The following SPAG17 variants were observed in gnomAD, a reference collection of about 807,000 sequenced individuals.
The protein encoded by SPAG17 is sperm associated antigen 17, also known as sperm-associated antigen 17.
In SPAG17, 169 loss-of-function variants were observed where a neutral mutation model predicts 273.6. That is an observed-to-expected ratio of 0.62 (90% CI 0.55 to 0.70). The LOEUF (loss-of-function observed/expected upper bound fraction) is 0.70. SPAG17 is among the 30% of genes least tolerant of loss of function. SPAG17 has a pLI of 0.00. For synonymous variants in SPAG17, 825 were observed against 873.2 expected, an observed-to-expected ratio of 0.94 and a Z score of 0.97; for missense variants, 2,557 against 2,627.8, an observed-to-expected ratio of 0.97 and a Z score of 0.59.
chr1:118,143,718 C>T (rs1349759401), intron 3 of SPAG17, among the ~76,000 whole-genome samples: 1 of 152,124 alleles, frequency 6.6e-6, no homozygotes, highest in Non-Finnish European at 1.5e-5. Context: ...TTCTTGATTC[C>T]TTCCCCAGCA....
intron 41 of SPAG17, among the ~76,000 whole-genome samples, chr1:117,984,381 A>G (rs1656174198): frequency 6.6e-6 from 1 of 152,230 alleles, no homozygotes; most frequent in African/African-American, 2.4e-5. Context: ...ATGATAGGAA[A>G]GATTCTGCCT....
intron 3 of SPAG17, among the ~76,000 whole-genome samples, chr1:118,128,175 G>A (rs940315679): frequency 6.6e-6 from 1 of 150,822 alleles, no homozygotes; most frequent in African/African-American, 2.4e-5. Flanking sequence ...TTGTGCAGCT[G>A]TTGCAAATGG....
At chr1:118,017,153 A>C (rs1340491334) in intron 28 of SPAG17, among the ~76,000 whole-genome samples, 2 of 152,202 alleles carry the variant, frequency 1.3e-5, no homozygotes, top group Non-Finnish European at 2.9e-5. Context: ...TTTGATTTGG[A>C]CATATTTATA....
chr1:118,019,033 C>CAAAAAAAA (rs10629525), intron 28 of SPAG17, among the ~76,000 whole-genome samples: 1 of 95,894 alleles, frequency 1.0e-5, no homozygotes, highest in African/African-American at 4.0e-5. Context: ...GACCATGTCT[C>CAAAAAAAA]AAAAAAAAAA....
chr1:118,179,135 A>G (rs992705440), intron 1 of SPAG17, among the ~76,000 whole-genome samples: 2 of 152,098 alleles, frequency 1.3e-5, no homozygotes, highest in African/African-American at 4.8e-5. Flanking sequence ...AAAACCCAGG[A>G]GAACCAAAGG....
rs897548441 is a variant in SPAG17, at chr1:118,173,786, G to T, written c.87+11285C>A. 7.9e-5 allele frequency among the ~76,000 whole-genome samples: 12 copies of T among 151,682 alleles called. No individual in the cohort carries two copies. The East Asian group carries it at 2.3e-3, about 29-fold the overall frequency. On this transcript the variant is annotated intron_variant, in intron 1 of 48. Coordinates refer to ENST00000336338, the MANE Select transcript of SPAG17 (RefSeq NM_206996.4). ...GACTTGGGAAGATTGCTTGAGCCTG[G>T]GAGGTCAAGGCTGCAGTGAGCCAAC...
chr1:117,955,571 A>G (rs1337747646), intron 48 of SPAG17, among the ~76,000 whole-genome samples: 1 of 152,164 alleles, frequency 6.6e-6, no homozygotes, highest in Admixed American at 6.5e-5. Flanking sequence ...GCTTTTAAGG[A>G]CAAATAAAGG....
intron 20 of SPAG17, among the ~76,000 whole-genome samples, chr1:118,046,236 C>T (rs1407473916): frequency 6.6e-6 from 1 of 151,986 alleles, no homozygotes; most frequent in East Asian, 1.9e-4. Flanking sequence ...ACTTGGCAGG[C>T]TGAGGCAGGA....
At chr1:118,002,979 A>G (rs1352957323) in intron 32 of SPAG17, among the ~76,000 whole-genome samples, 1 of 152,088 alleles carries the variant, frequency 6.6e-6, no homozygotes, top group South Asian at 2.1e-4. Context: ...GTTTCTTTCC[A>G]TGTTTAGTGC....
Position 118,009,698 on chromosome 1 carries a change from C to T in SPAG17, c.4433-1500G>A, listed in dbSNP as rs184615463. Among the ~76,000 whole-genome samples, 4 of 152,200 alleles carry T rather than the reference C, an allele frequency of 2.6e-5. No individual in the cohort carries two copies. In the East Asian group the frequency reaches 7.7e-4, roughly 29 times the overall value. On this transcript the variant is annotated intron_variant, in intron 30 of 48. Coordinates refer to ENST00000336338, the MANE Select transcript of SPAG17 (RefSeq NM_206996.4). Reference sequence around the variant, plus strand: ...AGTTGCCACCAATCAAAGACTATTACTAACCATCAGCTAACTAGAGCTGTT... The same window carrying T: ...AGTTGCCACCAATCAAAGACTATTATTAACCATCAGCTAACTAGAGCTGTT...
At chr1:117,964,622 TC>T (rs1446314613) in intron 47 of SPAG17, 6 of 152,172 alleles carry the variant, frequency 3.9e-5, no homozygotes, top group African/African-American at 1.4e-4. Context: ...GACTTTCCTT[TC>T]CTATTTTATA....
At chr1:118,093,393 T>C in intron 7 of SPAG17, 76 bp from the exon 8 acceptor site, 1 of 1,397,052 alleles carries the variant, frequency 7.2e-7, no homozygotes, top group South Asian at 1.4e-5. Flanking sequence ...ATATATCTCT[T>C]AACAGTTATG....
intron 37 of SPAG17, 73 bp from the exon 38 acceptor site, chr1:117,990,979 C>A: frequency 1.2e-6 from 1 of 828,714 alleles, no homozygotes; most frequent in South Asian, 2.6e-5. Context: ...AACATTCTCT[C>A]AAGCTGATCT....
intron 26 of SPAG17, among the ~76,000 whole-genome samples, chr1:118,025,667 T>G (rs577541076): frequency 3.9e-5 from 6 of 152,070 alleles, no homozygotes; most frequent in South Asian, 2.1e-4. Context: ...AGTTTTTCTA[T>G]TTTTTGTAGA....
intron 45 of SPAG17, among the ~76,000 whole-genome samples, chr1:117,970,624 C>T (rs1241777834): frequency 6.6e-6 from 1 of 152,120 alleles, no homozygotes. Flanking sequence ...ACACATGGTG[C>T]TTATTGATCT....
intron 10 of SPAG17, among the ~76,000 whole-genome samples, chr1:118,089,579 G>A (rs1655235955): frequency 6.6e-6 from 1 of 152,046 alleles, no homozygotes; most frequent in Admixed American, 6.6e-5. Flanking sequence ...GAAAAGTAAA[G>A]ATTATCTTCA....
intron 48 of SPAG17, among the ~76,000 whole-genome samples, chr1:117,958,637 A>G (rs1157702255): frequency 6.6e-6 from 1 of 152,214 alleles, no homozygotes; most frequent in East Asian, 1.9e-4. Context: ...CAAAATCTGT[A>G]GCCACTGGCA....
chr1:118,042,895 T>G (rs1428824356), intron 20 of SPAG17, among the ~76,000 whole-genome samples: 5 of 152,210 alleles, frequency 3.3e-5, no homozygotes, highest in African/African-American at 9.6e-5. Context: ...CTTCCTTGCT[T>G]TGTTTATGCA....
chr1:118,144,656 GAGTGCCGA>G (rs1354741046), intron 3 of SPAG17, among the ~76,000 whole-genome samples: 1 of 152,168 alleles, frequency 6.6e-6, no homozygotes, highest in African/African-American at 2.4e-5. Flanking sequence ...TCTAAATGTG[GAGTGCCGA>G]GGCCCTGGTG....
Sources: gnomAD v4.1 joint callset for allele counts (sites outside exome capture counted in the v4.1 genomes callset) on GRCh38, gnomAD v4.1.1 for gene constraint, MANE v1.5 for transcripts, NCBI Gene and HGNC (gene_info 2026-07-23, HGNC 2026-07-21) for gene names.